COL4A5: variants seen among roughly 807,000 people sequenced by gnomAD.
COL4A5 encodes the protein collagen alpha-5(IV) chain.
COL4A5 carries 26 observed loss-of-function variants against 130.2 expected under a neutral mutation model. That is an observed-to-expected ratio of 0.20 (90% CI 0.15 to 0.28). COL4A5 has a LOEUF of 0.28. COL4A5 is among the 10% of genes least tolerant of loss of function. The pLI, the probability that COL4A5 is intolerant of heterozygous loss-of-function variation, is 1.00. For missense variants in COL4A5, 1,131 were observed against 1,344.3 expected (o/e 0.84, Z 2.48); for synonymous variants, 496 against 439.6 (o/e 1.13, Z -1.60).
intron 24 of COL4A5, 70 bp downstream of exon 24, chrX:108,597,638 C>A: frequency 2.1e-6 from 2 of 963,626 alleles, no homozygotes; most frequent in South Asian, 4.1e-5. Context: ...TAAGTTAATT[C>A]AAAGGATGGG....
chrX:108,459,603 A>G (rs917863247), intron 1 of COL4A5, among the ~76,000 whole-genome samples: 3 of 112,599 alleles, frequency 2.7e-5, no homozygotes, highest in Non-Finnish European at 3.7e-5. Flanking sequence ...TAATCTATAT[A>G]CATATATCTG....
At chrX:108,584,414 CT>C in intron 17 of COL4A5, 69 bp from the exon 18 acceptor site, 1 of 966,592 alleles carries the variant, frequency 1.0e-6, no homozygotes, top group Non-Finnish European at 1.5e-6. Context: ...GAAAGTTTCT[CT>C]TATATTCTTG....
At chrX:108,565,586 G>A (rs2065955566) in intron 4 of COL4A5, among the ~76,000 whole-genome samples, 1 of 112,075 alleles carries the variant, frequency 8.9e-6, no homozygotes, top group Non-Finnish European at 1.9e-5. Flanking sequence ...TTGTCTGAAA[G>A]ATGTCCTTTT....
At chrX:108,633,196 G>A (rs1014033408) in intron 36 of COL4A5, among the ~76,000 whole-genome samples, 3 of 111,103 alleles carry the variant, frequency 2.7e-5, no homozygotes, top group Non-Finnish European at 5.7e-5. Flanking sequence ...CATCAATTGA[G>A]GGGGAGAGAG....
In COL4A5 at chrX:108,598,867, C is replaced by T. The variant is rs2066573720; in HGVS notation, c.1945C>T (p.Pro649Ser). ...VAGNPGQPGI[P>S]GPKGDPGQTI... is the part of the protein sequence containing the mutation. ...AGGAAATCCAGGCCAGCCAGGAATA[C>T]CAGGTAAGTTTACTGTGTTTTGTTT... is the stretch of plus-strand genomic sequence containing the variant. The change falls in exon 25 of 53, where the codon CCA (proline) becomes TCA (serine). Residue 649 changes from proline to serine, a missense_variant. Transcript: ENST00000328300. The T allele has an allele frequency of 1.7e-6, 2 of 1,210,314 alleles. No homozygotes were observed. The highest frequency in any genetic ancestry group is 5.9e-5 in the East Asian group (2 of 33,814).
chrX:108,475,755 A>G (rs1029917799), intron 1 of COL4A5, among the ~76,000 whole-genome samples: 16 of 111,354 alleles, frequency 1.4e-4, no homozygotes, highest in Non-Finnish European at 2.4e-4. Flanking sequence ...CCAAAACTCA[A>G]TTGATCGCAA....
intron 37 of COL4A5, among the ~76,000 whole-genome samples, chrX:108,661,554 T>G (rs932637196): frequency 8.9e-6 from 1 of 112,008 alleles, no homozygotes; most frequent in African/African-American, 3.2e-5. Context: ...TTATTCCAAA[T>G]TTTCAGATAA....
chrX:108,558,274 G>C (rs2147719946), intron 2 of COL4A5, among the ~76,000 whole-genome samples: 1 of 110,285 alleles, frequency 9.1e-6, no homozygotes, highest in African/African-American at 3.3e-5. Flanking sequence ...CCTAGTTTTG[G>C]AGTTTACACC....
chrX:108,521,923 A>G (rs1290298836), intron 1 of COL4A5, among the ~76,000 whole-genome samples: 1 of 111,231 alleles, frequency 9.0e-6, no homozygotes, highest in African/African-American at 3.3e-5. Flanking sequence ...TTTTTTATCA[A>G]CCCAAAAAGA....
intron 24 of COL4A5, among the ~76,000 whole-genome samples, 156 bp downstream of exon 24, chrX:108,597,724 A>G (rs1022572844): frequency 2.7e-5 from 3 of 111,924 alleles, no homozygotes; most frequent in African/African-American, 6.5e-5. Flanking sequence ...GTTACTGACT[A>G]CGTAGGGTTT....
intron 1 of COL4A5, among the ~76,000 whole-genome samples, chrX:108,473,696 A>G (rs1434679368): frequency 1.1e-5 from 1 of 92,792 alleles, no homozygotes; most frequent in African/African-American, 4.0e-5. Context: ...CAGTGGTGCA[A>G]TCTCGGTTCA....
intron 1 of COL4A5, among the ~76,000 whole-genome samples, chrX:108,515,899 G>T (rs2065216296): frequency 9.0e-6 from 1 of 110,997 alleles, no homozygotes; most frequent in Non-Finnish European, 1.9e-5. Flanking sequence ...AAATGAAACA[G>T]CCAGAACTGT....
chrX:108,573,801 TA>T, intron 9 of COL4A5, 147 bp downstream of exon 9: 2 of 477,168 alleles, frequency 4.2e-6, no homozygotes, highest in South Asian at 6.4e-5. Context: ...TACCTGAAAA[TA>T]AAAGCAATCT....
At chrX:108,522,272 T>C (rs1201834801) in intron 1 of COL4A5, among the ~76,000 whole-genome samples, 2 of 109,641 alleles carry the variant, frequency 1.8e-5, no homozygotes, top group Admixed American at 2.0e-4. Flanking sequence ...GCTATGAACA[T>C]TCATGTACAG....
rs2067139321 is a variant in COL4A5 at position 108,625,654 on chromosome X, C to T, written c.3017-51C>T. On this transcript the variant is annotated intron_variant, in intron 34 of 52. Coordinates refer to ENST00000328300, the MANE Select transcript of COL4A5 (RefSeq NM_033380.3). ...GACTATCCATTCCCATGAAACCAGACAACCCCAATATTGCTACATTGTCTT... is the reference window on the plus strand; with the variant it reads ...GACTATCCATTCCCATGAAACCAGATAACCCCAATATTGCTACATTGTCTT... The T allele has an allele frequency of 6.1e-6, 5 of 816,499 alleles. No homozygotes were observed. The East Asian group carries it at 1.6e-4, about 26-fold the overall frequency. 67.3% of individuals were successfully genotyped at this position (816,499 alleles called of 1,213,427 possible).
intron 29 of COL4A5, among the ~76,000 whole-genome samples, chrX:108,612,175 G>T (rs754137709): frequency 1.1e-4 from 12 of 111,278 alleles, no homozygotes; most frequent in Non-Finnish European, 2.1e-4. Flanking sequence ...ACAAAATCTT[G>T]ATCCATTATG....
At chrX:108,499,577 A>G (rs1216232113) in intron 1 of COL4A5, among the ~76,000 whole-genome samples, 1 of 111,676 alleles carries the variant, frequency 9.0e-6, no homozygotes, top group Non-Finnish European at 1.9e-5. Context: ...GAATTAACTA[A>G]TGAAGCTGTC....
At chrX:108,584,579 T>G in intron 18 of COL4A5, 54 bp downstream of exon 18, 1 of 1,035,759 alleles carries the variant, frequency 9.7e-7, no homozygotes, top group Admixed American at 2.4e-5. Flanking sequence ...GCATTATCAT[T>G]TTTGTGCCTT....
At chrX:108,471,089 G>A (rs1363563034) in intron 1 of COL4A5, among the ~76,000 whole-genome samples, 1 of 111,619 alleles carries the variant, frequency 9.0e-6, no homozygotes, top group East Asian at 2.8e-4. Context: ...GAGGCCTCCA[G>A]CTTTGTTCTT....
Sources: allele counts gnomAD v4.1 joint callset (sites outside exome capture counted in the v4.1 genomes callset), GRCh38; gene constraint gnomAD v4.1.1; transcripts MANE v1.5; gene names NCBI Gene and HGNC (gene_info 2026-07-23, HGNC 2026-07-21).